The following PCSK6 variants were observed in gnomAD, a reference collection of about 807,000 sequenced individuals.
The protein encoded by PCSK6 is proprotein convertase subtilisin/kexin type 6.
Under a neutral mutation model 123.3 loss-of-function variants are expected in PCSK6, and 85 were observed. The observed-to-expected ratio is 0.69, with a 90% CI of 0.58 to 0.83. PCSK6 has a LOEUF of 0.83. Among genes scored for constraint, PCSK6 ranks in the 40% least tolerant of loss-of-function variants. The pLI, the probability that PCSK6 is intolerant of heterozygous loss-of-function variation, is 0.00. For missense variants in PCSK6, 1,191 were observed against 1,282.3 expected (o/e 0.93, Z 1.09); for synonymous variants, 508 against 516.0 (o/e 0.98, Z 0.21).
chr15:101,486,905 C>A (rs1052301921), intron 1 of PCSK6, among the ~76,000 whole-genome samples: 1 of 152,206 alleles, frequency 6.6e-6, no homozygotes, highest in African/African-American at 2.4e-5. Flanking sequence ...ACGGCAGAAG[C>A]AAATGAGCAG....
At chr15:101,439,242 A>G (rs2056690992) in intron 2 of PCSK6, among the ~76,000 whole-genome samples, 1 of 152,246 alleles carries the variant, frequency 6.6e-6, no homozygotes, top group African/African-American at 2.4e-5. Flanking sequence ...TCCCTCTGAG[A>G]CAGACTAGGG....
intron 8 of PCSK6, among the ~76,000 whole-genome samples, 173 bp downstream of exon 8, chr15:101,393,039 A>T (rs530103151): frequency 6.6e-6 from 1 of 152,280 alleles, no homozygotes; most frequent in East Asian, 1.9e-4. Flanking sequence ...CTGCCAAGGG[A>T]CTGGGGTTTA....
At chr15:101,415,921 T>C (rs2141073070) in intron 6 of PCSK6, among the ~76,000 whole-genome samples, 1 of 152,350 alleles carries the variant, frequency 6.6e-6, no homozygotes, top group South Asian at 2.1e-4. Flanking sequence ...CAATTAAATC[T>C]CTTTTTCTTC....
intron 13 of PCSK6, chr15:101,346,411 C>T (rs1018975793): frequency 1.0e-4 from 16 of 155,192 alleles, no homozygotes; most frequent in African/African-American, 3.6e-4. Context: ...TAGAAACATG[C>T]TTGCTATGCA....
At chr15:101,314,365 G>A (rs1281149188) in intron 19 of PCSK6, among the ~76,000 whole-genome samples, 1 of 152,192 alleles carries the variant, frequency 6.6e-6, no homozygotes, top group Non-Finnish European at 1.5e-5. Flanking sequence ...ACGTCAGAGA[G>A]GGGCAGTGAA....
chr15:101,442,878 G>A (rs1194628160), intron 2 of PCSK6, among the ~76,000 whole-genome samples: 1 of 152,072 alleles, frequency 6.6e-6, no homozygotes, highest in Non-Finnish European at 1.5e-5. Flanking sequence ...CAGCCCTGCC[G>A]CCAGCTCCAC....
At chr15:101,376,356 C>T (rs949643574) in intron 11 of PCSK6, among the ~76,000 whole-genome samples, 3 of 152,170 alleles carry the variant, frequency 2.0e-5, no homozygotes, top group East Asian at 1.9e-4. Context: ...CAGAGACCTG[C>T]CTTAAGGAGA....
intron 2 of PCSK6, among the ~76,000 whole-genome samples, chr15:101,436,387 T>C (rs915585031): frequency 1.3e-5 from 2 of 152,220 alleles, no homozygotes; most frequent in African/African-American, 2.4e-5. Flanking sequence ...TCACACAGGT[T>C]CTGCACAGTT....
chr15:101,420,128 T>C (rs557937513), intron 6 of PCSK6, among the ~76,000 whole-genome samples: 1 of 147,366 alleles, frequency 6.8e-6, no homozygotes, highest in Non-Finnish European at 1.5e-5. Flanking sequence ...GAGGTGGAGG[T>C]TGCAGTGAGC....
At chr15:101,320,677 C>A (rs937961974) in intron 18 of PCSK6, among the ~76,000 whole-genome samples, 1 of 152,234 alleles carries the variant, frequency 6.6e-6, no homozygotes, top group Admixed American at 6.5e-5. Flanking sequence ...AACTGACACT[C>A]CCCTGCAAAC....
chr15:101,346,853 T>C (rs2040744020), intron 13 of PCSK6: 4 of 1,231,766 alleles, frequency 3.2e-6, no homozygotes, highest in Non-Finnish European at 4.0e-6. Flanking sequence ...CTGTGATTCA[T>C]AAATGTGCAC....
chr15:101,334,231 G>GGTGCAGAAAACAAGC, intron 13 of PCSK6: 1 of 144,508 alleles, frequency 6.9e-6, no homozygotes. Context: ...CACCGCTGCA[G>GGTGCAGAAAACAAGC]CAGTGACACA....
intron 19 of PCSK6, among the ~76,000 whole-genome samples, chr15:101,316,915 T>G (rs2040004059): frequency 9.9e-6 from 1 of 100,724 alleles, no homozygotes. Context: ...ATTCTGTTTT[T>G]TTTTTTTTTT....
intron 13 of PCSK6, among the ~76,000 whole-genome samples, chr15:101,360,925 C>T (rs1207694477): frequency 1.3e-5 from 2 of 152,208 alleles, no homozygotes; most frequent in Non-Finnish European, 2.9e-5. Context: ...CAGCTTCCTG[C>T]CTGGTAATCT....
Position 101,305,256 on chromosome 15 carries a change from C to A in PCSK6, c.*2G>T. 6.2e-7 allele frequency: 1 copy of A among 1,608,998 alleles called. No homozygotes were observed. The highest frequency in any genetic ancestry group is 8.5e-7 in the Non-Finnish European group (1 of 1,178,680). On this transcript the variant is annotated 3_prime_UTR_variant, in exon 22 of 22. Coordinates refer to ENST00000611716, the MANE Select transcript of PCSK6 (RefSeq NM_002570.5). This position sits in a 1 kb window ranked among gnomAD's most constrained non-coding sequence, Gnocchi z 4.8. The stretch of plus-strand genomic sequence containing the variant: ...CTGCCCTCTGTGGGCAGCTAGGCAC[C>A]CTTACCCGGCCAGGAGGCACGTGCG...
Position 101,384,497 on chromosome 15 carries a change from G to A in PCSK6, c.1311-72C>T, listed in dbSNP as rs2042004035. The A allele has an allele frequency of 2.2e-6, 3 of 1,348,836 alleles. 1 individual carries two copies. The highest frequency in any genetic ancestry group is 4.8e-5 in the East Asian group (2 of 41,878). 83.6% of individuals were successfully genotyped at this position (1,348,836 alleles called of 1,614,324 possible). A position where few individuals can be genotyped will look rare whatever the true frequency, so the allele number is the denominator to read the frequency against. ...CAGCCACACAGGCCACTCAGAGGCA[G>A]GGGGTCGGCAGCCAACCCACGTCTG... On this transcript the variant is annotated intron_variant, in intron 9 of 21. Transcript: ENST00000611716.
At chr15:101,480,361 C>A (rs1429371294) in intron 1 of PCSK6, among the ~76,000 whole-genome samples, 1 of 152,202 alleles carries the variant, frequency 6.6e-6, no homozygotes, top group East Asian at 1.9e-4. Context: ...GGCTGCGGGG[C>A]CCTGTGGAGC....
At chr15:101,319,459 C>T (rs1211443028) in intron 18 of PCSK6, among the ~76,000 whole-genome samples, 1 of 152,132 alleles carries the variant, frequency 6.6e-6, no homozygotes, top group Non-Finnish European at 1.5e-5. Flanking sequence ...CTCCTAAAAC[C>T]CTTGGAATTA....
chr15:101,479,587 G>A (rs1162298789), intron 1 of PCSK6, among the ~76,000 whole-genome samples: 1 of 152,222 alleles, frequency 6.6e-6, no homozygotes, highest in East Asian at 1.9e-4. Context: ...GTCGGTGCAT[G>A]CAGAGGCTGG....
Sources: allele counts gnomAD v4.1 joint callset (sites outside exome capture counted in the v4.1 genomes callset), GRCh38; gene constraint gnomAD v4.1.1; non-coding constraint Gnocchi (gnomAD v3.1); transcripts MANE v1.5; gene names NCBI Gene and HGNC (gene_info 2026-07-23, HGNC 2026-07-21).